The following FLCN variants were observed in gnomAD, a reference collection of about 807,000 sequenced individuals.
FLCN encodes the protein folliculin.
FLCN carries 22 observed loss-of-function variants against 62.5 expected under a neutral mutation model. That is an observed-to-expected ratio of 0.35 (90% CI 0.25 to 0.50). The LOEUF (loss-of-function observed/expected upper bound fraction) is 0.50. Ranked by LOEUF, FLCN falls within the 20% of genes least tolerant of loss-of-function variation. The probability of loss-of-function intolerance (pLI) is 0.97; values close to 1 mark genes in which losing one functional copy is unlikely to be tolerated. For synonymous variants in FLCN, 319 were observed against 310.0 expected, an observed-to-expected ratio of 1.03 and a Z score of -0.30; for missense variants, 657 against 778.0, an observed-to-expected ratio of 0.84 and a Z score of 1.85.
intron 1 of FLCN, among the ~76,000 whole-genome samples, chr17:17,236,511 C>T (rs889541799): frequency 6.6e-6 from 1 of 152,166 alleles, no homozygotes; most frequent in Non-Finnish European, 1.5e-5. Context: ...CCATTCTTTC[C>T]AGGAGACAAG....
intron 13 of FLCN, among the ~76,000 whole-genome samples, chr17:17,214,406 C>T (rs145913184): frequency 0.01 from 1,562 of 151,694 alleles, 40 homozygotes; most frequent in Admixed American, 0.056. Flanking sequence ...CCAGCCTGGC[C>T]AACATGCTAA....
At chr17:17,224,168 C>G (rs1324664479) in intron 5 of FLCN, 25 bp from the exon 6 acceptor site, 1 of 1,553,144 alleles carries the variant, frequency 6.4e-7, no homozygotes, top group South Asian at 1.2e-5. Flanking sequence ...GCGACTCAGA[C>G]AGCCCTTTCC....
At position 17,213,339 on chromosome 17, in the gene FLCN, T is replaced by A; in HGVS notation, c.*316A>T. The A allele has an allele frequency of 1.9e-6, 1 of 513,256 alleles. No individual in the cohort carries two copies. The highest frequency in any genetic ancestry group is 3.6e-6 in the Non-Finnish European group (1 of 280,728). 31.8% of individuals were successfully genotyped at this position (513,256 alleles called of 1,614,324 possible). On this transcript the variant is annotated 3_prime_UTR_variant, in exon 14 of 14. Coordinates refer to ENST00000285071, the MANE Select transcript of FLCN (RefSeq NM_144997.7). ...TCGGACCTGTTTCTCCTGCGGGTTT[T>A]GAGTCTAAGTCCACAAGGGGCCTGG...
chr17:17,228,237 C>G (rs935086826), intron 3 of FLCN, 76 bp from the exon 4 acceptor site: 2 of 1,502,478 alleles, frequency 1.3e-6, no homozygotes, highest in African/African-American at 2.7e-5. Context: ...CTCTGGAGCA[C>G]AGGGAGCACC....
In FLCN at chr17:17,216,275, G is replaced by A. The variant is rs2046915887; in HGVS notation, c.1300+105C>T. The A allele has an allele frequency of 2.0e-6, 3 of 1,521,598 alleles. No individual in the cohort carries two copies. Among genetic ancestry groups the A allele is most frequent in the Non-Finnish European group, 2.7e-6 (3 of 1,122,010 alleles). 94.3% of individuals were successfully genotyped at this position (1,521,598 alleles called of 1,614,324 possible). On this transcript the variant is annotated intron_variant, in intron 11 of 13. Transcript: ENST00000285071. The surrounding 1 kb of genome is among the most constrained non-coding windows in gnomAD (Gnocchi z 4.0). The stretch of plus-strand genomic sequence containing the variant: ...ATGGGGGAAGCTGGCCCTGCAATGA[G>A]GCCTCCTCTCCACAACCCATGACAG...
At chr17:17,230,523 C>G (rs545755953) in intron 3 of FLCN, among the ~76,000 whole-genome samples, 1 of 151,434 alleles carries the variant, frequency 6.6e-6, no homozygotes, top group Non-Finnish European at 1.5e-5. Flanking sequence ...AAGTGAGACT[C>G]AGTCTCAAAA....
At chr17:17,223,554 C>A (rs971772370) in intron 6 of FLCN, among the ~76,000 whole-genome samples, 2 of 152,212 alleles carry the variant, frequency 1.3e-5, no homozygotes, top group Non-Finnish European at 2.9e-5. Flanking sequence ...CCTGGCCTGG[C>A]CTGGCCTGAG....
Position 17,221,358 on chromosome 17 carries a change from AAATCACAAC to A in FLCN, c.871+170_871+178del, listed in dbSNP as rs750424403. On this transcript the variant is annotated intron_variant, in intron 8 of 13. Transcript: ENST00000285071. ...TGGCGGTCAAGGCAAACGAGACAGG[AAATCACAAC>A]AATCACAACAATCACACCGAGATCG... 392 of 1,597,682 alleles carry A rather than the reference AAATCACAAC, an allele frequency of 2.5e-4. No individual in the cohort carries two copies. Among genetic ancestry groups the A allele is most frequent in the African/African-American group, 6.5e-4 (48 of 74,408 alleles).
intron 3 of FLCN, chr17:17,228,426 A>T: frequency 2.2e-6 from 1 of 458,060 alleles, no homozygotes; most frequent in South Asian, 2.6e-5. Context: ...TGACAGAGCC[A>T]CAGCCACAAA....
At chr17:17,225,554 T>C (rs2047221340) in intron 5 of FLCN, 1 of 156,424 alleles carries the variant, frequency 6.4e-6, no homozygotes, top group Non-Finnish European at 1.4e-5. Context: ...CTACTAAAAA[T>C]ACAAAAAATT....
At chr17:17,228,852 G>A (rs79717038) in intron 3 of FLCN, 7,532 of 152,692 alleles carry the variant, frequency 0.049, 307 homozygotes, top group East Asian at 0.22. Context: ...AGCTCCTCCA[G>A]GCCACCGAAA....
rs1555608617 is a variant in FLCN, at chr17:17,219,148, AG to A, written c.932del (p.Pro311LeufsTer12). The stretch of plus-strand genomic sequence containing the variant: ...GCCCTTCTGTACTCTCTGGCAACAC[AG>A]GGGCTTTCTCCTCCTCTTCAGCCTC... ...NSEAEEEEKA[P>X]VLPESTEGRE... On this transcript the variant is annotated frameshift_variant, in exon 9 of 14. Coordinates refer to ENST00000285071, the MANE Select transcript of FLCN (RefSeq NM_144997.7). LOFTEE classifies it high-confidence loss of function. 6.2e-7 allele frequency: 1 copy of A among 1,614,166 alleles called. No individual in the cohort carries two copies. The highest frequency in any genetic ancestry group is 8.5e-7 in the Non-Finnish European group (1 of 1,180,032).
At chr17:17,221,859 T>C (rs1217997629) in intron 7 of FLCN, among the ~76,000 whole-genome samples, 1 of 152,072 alleles carries the variant, frequency 6.6e-6, no homozygotes, top group Admixed American at 6.5e-5. Flanking sequence ...GGGGAGCTGT[T>C]CTAAACCAGA....
At chr17:17,221,308 T>C (rs2047076779) in intron 8 of FLCN, 1 of 1,551,768 alleles carries the variant, frequency 6.4e-7, no homozygotes, top group Non-Finnish European at 8.7e-7. Context: ...TTTCCCCACC[T>C]AGCTGGGGAA....
intron 1 of FLCN, among the ~76,000 whole-genome samples, chr17:17,236,526 C>T (rs1050573425): frequency 5.3e-5 from 8 of 152,174 alleles, no homozygotes; most frequent in African/African-American, 1.9e-4. Context: ...GACAAGGACG[C>T]GACTGACAGT....
At chr17:17,228,186 G>A in intron 3 of FLCN, 25 bp from the exon 4 acceptor site, 1 of 1,598,916 alleles carries the variant, frequency 6.3e-7, no homozygotes, top group East Asian at 2.2e-5. Context: ...GGACATGTCA[G>A]CTTGCCAATG....
intron 1 of FLCN, among the ~76,000 whole-genome samples, chr17:17,236,661 T>G (rs945871983): frequency 2.0e-5 from 3 of 152,010 alleles, no homozygotes; most frequent in African/African-American, 7.3e-5. Context: ...CACCCTCTCC[T>G]CCAAACAGAG....
chr17:17,222,836 C>G, intron 6 of FLCN, 175 bp from the exon 7 acceptor site: 2 of 737,170 alleles, frequency 2.7e-6, no homozygotes, highest in Non-Finnish European at 4.7e-6. Context: ...CAGCATAGCT[C>G]TGCCCCGGCT....
intron 3 of FLCN, 170 bp from the exon 4 acceptor site, chr17:17,228,331 A>G (rs543487724): frequency 8.1e-5 from 58 of 717,606 alleles, no homozygotes; most frequent in South Asian, 7.5e-4. Flanking sequence ...CCAGTGCGAG[A>G]GGAACAGAGA....
Sources: gnomAD v4.1 joint callset for allele counts (sites outside exome capture counted in the v4.1 genomes callset) on GRCh38, gnomAD v4.1.1 for gene constraint, Gnocchi (gnomAD v3.1) non-coding constraint, MANE v1.5 for transcripts, NCBI Gene and HGNC (gene_info 2026-07-23, HGNC 2026-07-21) for gene names.